The following NCALD variants were observed in gnomAD, a reference collection of about 807,000 sequenced individuals.
NCALD encodes neurocalcin-delta.
Under a neutral mutation model 18.6 loss-of-function variants are expected in NCALD, and 10 were observed. That is an observed-to-expected ratio of 0.54 (90% confidence interval 0.33 to 0.91). The LOEUF is 0.91. Among genes scored for constraint, NCALD ranks in the 40% least tolerant of loss-of-function variants. NCALD has a pLI of 0.03. For synonymous variants in NCALD, 88 were observed against 87.4 expected (o/e 1.01, Z -0.04); for missense variants, 184 against 247.6 (o/e 0.74, Z 1.72).
chr8:101,807,752 C>T lies in NCALD; in HGVS notation c.-20+79389G>A, dbSNP rs147455688. On this transcript the variant is annotated intron_variant, in intron 4 of 6. Coordinates refer to the NCALD transcript ENST00000311028. ...GTTACTGAAATACTGGTAAAAATAGCACCCTTGCATTGTGCTTTATAATTT... is the reference window on the plus strand; with the variant it reads ...GTTACTGAAATACTGGTAAAAATAGTACCCTTGCATTGTGCTTTATAATTT... Among the ~76,000 whole-genome samples the T allele has an allele frequency of 1.2e-4, 19 of 152,270 alleles. No homozygotes were observed. In the East Asian group the frequency reaches 3.5e-3, roughly 28 times the overall value.
chr8:101,911,613 T>C (rs1817804324), intron 3 of NCALD, among the ~76,000 whole-genome samples: 1 of 152,118 alleles, frequency 6.6e-6, no homozygotes, highest in African/African-American at 2.4e-5. Flanking sequence ...CACCTCGGCC[T>C]CCCAAAGCGC....
At chr8:101,984,877 A>G (rs1820746837) in intron 2 of NCALD, among the ~76,000 whole-genome samples, 1 of 152,174 alleles carries the variant, frequency 6.6e-6, no homozygotes, top group Admixed American at 6.5e-5. Flanking sequence ...AGTTCACATC[A>G]CTGTGACTCA....
chr8:101,766,847 G>T (rs146366898), intron 1 of NCALD, among the ~76,000 whole-genome samples: 65 of 152,276 alleles, frequency 4.3e-4, no homozygotes, highest in Middle Eastern at 3.4e-3. Flanking sequence ...CCAAAGTGCT[G>T]GGATTACAAG....
intron 1 of NCALD, among the ~76,000 whole-genome samples, chr8:101,759,374 G>A (rs1451953837): frequency 6.6e-6 from 1 of 152,162 alleles, no homozygotes; most frequent in Non-Finnish European, 1.5e-5. Flanking sequence ...GGGAAAAGGA[G>A]GGAAGGAAGA....
intron 1 of NCALD, among the ~76,000 whole-genome samples, chr8:102,047,226 A>G (rs1023646466): frequency 6.6e-6 from 1 of 152,164 alleles, no homozygotes; most frequent in African/African-American, 2.4e-5. Context: ...ATTGATGGGC[A>G]TTTAGGTTGA....
chr8:101,927,476 T>A (rs1457974849), intron 2 of NCALD, among the ~76,000 whole-genome samples: 1 of 152,194 alleles, frequency 6.6e-6, no homozygotes, highest in Non-Finnish European at 1.5e-5. Context: ...AGCAAGGATC[T>A]GCTAAGTGCA....
At chr8:102,075,517 G>T (rs796677014) in intron 1 of NCALD, among the ~76,000 whole-genome samples, 28 of 152,114 alleles carry the variant, frequency 1.8e-4, no homozygotes, top group African/African-American at 6.0e-4. Context: ...GAATAATCTG[G>T]ATAATTATTT....
chr8:102,097,320 T>C (rs974846108), intron 1 of NCALD, among the ~76,000 whole-genome samples: 1 of 152,218 alleles, frequency 6.6e-6, no homozygotes, highest in African/African-American at 2.4e-5. Flanking sequence ...CTTGATAGTC[T>C]GTGAGCATTT....
intron 2 of NCALD, among the ~76,000 whole-genome samples, chr8:101,939,019 T>C (rs1818860707): frequency 6.6e-6 from 1 of 152,220 alleles, no homozygotes; most frequent in Non-Finnish European, 1.5e-5. Context: ...GGAATTTCCA[T>C]ATAAAGGAAG....
intron 4 of NCALD, among the ~76,000 whole-genome samples, chr8:101,815,271 A>G (rs958256662): frequency 2.6e-5 from 4 of 152,142 alleles, no homozygotes; most frequent in African/African-American, 7.2e-5. Flanking sequence ...GTGGACAAAT[A>G]GATCAATGGA....
intron 2 of NCALD, among the ~76,000 whole-genome samples, chr8:102,003,178 T>TA (rs1243133582): frequency 5.9e-5 from 9 of 151,806 alleles, no homozygotes; most frequent in Admixed American, 2.0e-4. Flanking sequence ...ACAGATGCAA[T>TA]AAAAAATGAT....
chr8:101,778,750 C>T (rs1403680996), intron 1 of NCALD, among the ~76,000 whole-genome samples: 2 of 152,012 alleles, frequency 1.3e-5, no homozygotes, highest in African/African-American at 4.8e-5. Flanking sequence ...GACCTAGTAT[C>T]GTTTCCATAG....
intron 4 of NCALD, among the ~76,000 whole-genome samples, chr8:101,850,012 G>A (rs1486254404): frequency 1.3e-5 from 2 of 152,200 alleles, no homozygotes; most frequent in Non-Finnish European, 2.9e-5. Flanking sequence ...TTCCACATCT[G>A]ATTAGCCATT....
intron 2 of NCALD, among the ~76,000 whole-genome samples, chr8:101,950,035 C>T (rs867899459): frequency 2.0e-5 from 3 of 152,252 alleles, no homozygotes; most frequent in Middle Eastern, 3.4e-3. Context: ...GAGGGAAAGG[C>T]GGCTGATCAT....
chr8:101,825,274 A>G (rs1813887472), intron 4 of NCALD, among the ~76,000 whole-genome samples: 1 of 152,258 alleles, frequency 6.6e-6, no homozygotes, highest in South Asian at 2.1e-4. Flanking sequence ...ACAGCACAAT[A>G]TGCCAGTGGA....
intron 4 of NCALD, among the ~76,000 whole-genome samples, chr8:101,848,023 A>T (rs1235959744): frequency 6.6e-6 from 1 of 152,168 alleles, no homozygotes; most frequent in African/African-American, 2.4e-5. Context: ...ACCTTACAAA[A>T]GTTGATATAA....
At chr8:101,837,888 T>C (rs2131275026) in intron 4 of NCALD, among the ~76,000 whole-genome samples, 1 of 152,328 alleles carries the variant, frequency 6.6e-6, no homozygotes, top group East Asian at 1.9e-4. Flanking sequence ...GTCTCAACAT[T>C]GAAACATTCT....
chr8:101,854,319 T>G (rs1815218133), intron 4 of NCALD, among the ~76,000 whole-genome samples: 1 of 152,170 alleles, frequency 6.6e-6, no homozygotes, highest in African/African-American at 2.4e-5. Context: ...ATGACTCTTA[T>G]GATGACAGCT....
chr8:101,983,978 A>G (rs78150602), intron 2 of NCALD, among the ~76,000 whole-genome samples: 5,439 of 152,268 alleles, frequency 0.036, 297 homozygotes, highest in African/African-American at 0.12. Flanking sequence ...CCATGCTGAC[A>G]CTTTTGTAAA....
Sources: gnomAD v4.1 joint callset for allele counts (sites outside exome capture counted in the v4.1 genomes callset) on GRCh38, gnomAD v4.1.1 for gene constraint, MANE v1.5 for transcripts, NCBI Gene and HGNC (gene_info 2026-07-23, HGNC 2026-07-21) for gene names.